LEPR: variants seen among roughly 807,000 people sequenced by gnomAD.
LEPR encodes OB receptor.
A neutral mutation model predicts 114.7 loss-of-function variants in LEPR; 56 were observed. The ratio of observed to expected loss-of-function variants is 0.49; its 90% CI spans 0.39 to 0.61. The LOEUF is 0.61. LEPR is among the 20% of genes least tolerant of loss of function. The probability of loss-of-function intolerance (pLI) is 0.00; values close to 1 mark genes in which losing one functional copy is unlikely to be tolerated. For missense variants in LEPR, 1,202 were observed against 1,352.9 expected, an observed-to-expected ratio of 0.89 and a Z score of 1.75; for synonymous variants, 443 against 461.4, an observed-to-expected ratio of 0.96 and a Z score of 0.51.
At chr1:65,526,645 C>A (rs995993833) in intron 2 of LEPR, among the ~76,000 whole-genome samples, 2 of 152,098 alleles carry the variant, frequency 1.3e-5, no homozygotes, top group East Asian at 1.9e-4. Flanking sequence ...GAATTGGAAT[C>A]AGAAAATCTG....
chr1:65,549,220 T>C (rs1356437412), intron 2 of LEPR, among the ~76,000 whole-genome samples: 1 of 151,652 alleles, frequency 6.6e-6, no homozygotes, highest in Non-Finnish European at 1.5e-5. Flanking sequence ...AACCCGACCT[T>C]TCTCTCTGGC....
intron 2 of LEPR, among the ~76,000 whole-genome samples, chr1:65,442,299 A>G (rs1286906842): frequency 6.6e-6 from 1 of 152,224 alleles, no homozygotes; most frequent in African/African-American, 2.4e-5. Flanking sequence ...GTCTTTAGAC[A>G]ATAACTTAAT....
chr1:65,549,556 A>C (rs1383892608), intron 2 of LEPR, among the ~76,000 whole-genome samples: 1 of 151,854 alleles, frequency 6.6e-6, no homozygotes, highest in Admixed American at 6.6e-5. Flanking sequence ...GCTTCATTTC[A>C]TTCATTTCAT....
chr1:65,447,241 G>A (rs780239007), intron 2 of LEPR, among the ~76,000 whole-genome samples: 4 of 151,962 alleles, frequency 2.6e-5, no homozygotes, highest in Non-Finnish European at 2.9e-5. Context: ...ATTTAGGTCT[G>A]TAATACATTT....
intron 2 of LEPR, among the ~76,000 whole-genome samples, chr1:65,476,410 A>G (rs1470666089): frequency 6.6e-6 from 1 of 152,108 alleles, no homozygotes; most frequent in Non-Finnish European, 1.5e-5. Context: ...AAAGCAGTGA[A>G]CGGGGTGGAC....
intron 2 of LEPR, among the ~76,000 whole-genome samples, chr1:65,465,127 T>A (rs1456611493): frequency 6.6e-6 from 1 of 152,190 alleles, no homozygotes; most frequent in African/African-American, 2.4e-5. Flanking sequence ...AGGGTGTCGA[T>A]TTTAGATATT....
chr1:65,634,921 A>G, intron 19 of LEPR: 1 of 816,514 alleles, frequency 1.2e-6, no homozygotes, highest in Non-Finnish European at 1.5e-6. Flanking sequence ...TTCATATATT[A>G]TGATTATGAA....
intron 3 of LEPR, among the ~76,000 whole-genome samples, chr1:65,567,813 G>A (rs7519977): frequency 0.26 from 39,254 of 151,762 alleles, 6,207 homozygotes; most frequent in East Asian, 0.81. Context: ...GAGATTTTCC[G>A]TAGACTCCCT....
intron 2 of LEPR, among the ~76,000 whole-genome samples, chr1:65,450,274 A>T (rs1051000349): frequency 2.1e-4 from 32 of 152,154 alleles, no homozygotes; most frequent in Non-Finnish European, 2.6e-4. Flanking sequence ...ATGCTTTTTT[A>T]AAAAATTTAT....
chr1:65,434,239 A>G (rs1646527452), intron 2 of LEPR: 2 of 977,810 alleles, frequency 2.0e-6, no homozygotes, highest in Non-Finnish European at 2.4e-6. Context: ...TTAATAGGAA[A>G]TATTGCTATA....
intron 2 of LEPR, among the ~76,000 whole-genome samples, chr1:65,450,322 T>G (rs1165863944): frequency 6.6e-6 from 1 of 151,876 alleles, no homozygotes; most frequent in African/African-American, 2.4e-5. Flanking sequence ...CATGTGCACA[T>G]TGTGCAGGTT....
chr1:65,523,713 A>G (rs1389613599), intron 2 of LEPR, among the ~76,000 whole-genome samples: 1 of 152,222 alleles, frequency 6.6e-6, no homozygotes, highest in African/African-American at 2.4e-5. Flanking sequence ...ACAGTAGGCA[A>G]TGATTTTGAT....
chr1:65,501,454 A>ATTTTCCT (rs1648447893), intron 2 of LEPR, among the ~76,000 whole-genome samples: 1 of 150,406 alleles, frequency 6.6e-6, no homozygotes, highest in African/African-American at 2.4e-5. Flanking sequence ...AAGGAGGAAA[A>ATTTTCCT]CCTTGTGTCT....
rs528429353 is a variant in LEPR at position 65,514,850 on chromosome 1, G to C, written c.-20-50696G>C. Among the ~76,000 whole-genome samples, 208 of 152,084 alleles carry C rather than the reference G, an allele frequency of 1.4e-3. 1 individual carries two copies. Among genetic ancestry groups the C allele is most frequent in the Middle Eastern group, 3.2e-3 (1 of 316 alleles). Reference sequence around the variant, plus strand: ...TTATTTGAGCAATTTCTAAATCTAAGATACTGTCATAAATACTTTAGGAAA... The same window carrying C: ...TTATTTGAGCAATTTCTAAATCTAACATACTGTCATAAATACTTTAGGAAA... On this transcript the variant is annotated intron_variant, in intron 2 of 19. Transcript: ENST00000349533.
intron 2 of LEPR, among the ~76,000 whole-genome samples, chr1:65,534,296 A>G (rs1446359428): frequency 2.6e-5 from 4 of 152,160 alleles, no homozygotes; most frequent in Non-Finnish European, 4.4e-5. Context: ...GGAAGTTACC[A>G]TATGAATCCT....
chr1:65,580,279 T>C (rs945216049), intron 5 of LEPR, among the ~76,000 whole-genome samples: 1 of 152,162 alleles, frequency 6.6e-6, no homozygotes, highest in African/African-American at 2.4e-5. Flanking sequence ...AGCTGGTCAA[T>C]ATAACCAATG....
Position 65,637,606 on chromosome 1 carries a change from A to T in LEPR, c.*591A>T, listed in dbSNP as rs1415364990. On this transcript the variant is annotated 3_prime_UTR_variant, in exon 20 of 20. Transcript: ENST00000349533. ...ACCTGCAAGAATGGTGATGCCCACA[A>T]TCAGTATTTTGATGACAACACAAGC... 6.6e-6 allele frequency: 1 copy of T among 152,314 alleles called. No homozygotes were observed. Among genetic ancestry groups the T allele is most frequent in the Non-Finnish European group, 1.5e-5 (1 of 68,136 alleles). 9.4% of individuals were successfully genotyped at this position (152,314 alleles called of 1,614,324 possible).
chr1:65,449,711 G>C (rs1267533450), intron 2 of LEPR, among the ~76,000 whole-genome samples: 2 of 150,220 alleles, frequency 1.3e-5, no homozygotes, highest in Non-Finnish European at 3.0e-5. Flanking sequence ...ATAGCTTTTA[G>C]TTTCATTGAT....
intron 1 of LEPR, among the ~76,000 whole-genome samples, chr1:65,424,065 G>A (rs1346137513): frequency 6.6e-6 from 1 of 152,196 alleles, no homozygotes; most frequent in Non-Finnish European, 1.5e-5. Context: ...CATAAGACCA[G>A]ATGGTGGCAG....
Sources: gnomAD v4.1 joint callset for allele counts (sites outside exome capture counted in the v4.1 genomes callset) on GRCh38, gnomAD v4.1.1 for gene constraint, MANE v1.5 for transcripts, NCBI Gene and HGNC (gene_info 2026-07-23, HGNC 2026-07-21) for gene names.